TXLNB: variants seen among roughly 807,000 people sequenced by gnomAD.
TXLNB encodes the protein beta-taxilin.
Under a neutral mutation model 57.4 loss-of-function variants are expected in TXLNB, and 37 were observed. That is an observed-to-expected ratio of 0.64 (90% CI 0.50 to 0.85). TXLNB has a LOEUF of 0.85. Ranked by LOEUF, TXLNB falls within the 40% of genes least tolerant of loss-of-function variation. The pLI is 0.00. For synonymous variants in TXLNB, 302 were observed against 309.6 expected (o/e 0.98, Z 0.26); for missense variants, 848 against 825.6 (o/e 1.03, Z -0.33).
At chr6:139,323,448 A>G in the TXLNB span, among the ~76,000 whole-genome samples, 1 of 149,670 alleles carries the variant, frequency 6.7e-6, no homozygotes, top group Non-Finnish European at 1.5e-5. Context: ...ACGCCCAGCT[A>G]ATTTTTTGTA....
rs1268796567 is a variant in TXLNB, at chr6:139,242,710, T to C, written c.1871A>G (p.Gln624Arg). ...AGCAGGCACATCTGCCTCCATCTTC[T>C]GTAGGGAGGCCTCGGTGGGAGCCTG... is the stretch of plus-strand genomic sequence containing the variant. ...APQAPTEASL[Q>R]KMEADVPAPA... Residue 624 changes from glutamine (Q) to arginine (R), a missense_variant, in exon 10 of 10, where the codon CAG (glutamine) becomes CGG (arginine). Transcript: ENST00000358430. 2 of 1,612,204 alleles carry C rather than the reference T, an allele frequency of 1.2e-6. No homozygotes were observed. Among genetic ancestry groups the C allele is most frequent in the Non-Finnish European group, 1.7e-6 (2 of 1,179,426 alleles).
chr6:139,164,898 C>T, the TXLNB span, among the ~76,000 whole-genome samples: 1 of 151,928 alleles, frequency 6.6e-6, no homozygotes, highest in Non-Finnish European at 1.5e-5. Flanking sequence ...CCAGTTTGGC[C>T]CCACATTTGG....
chr6:139,173,227 G>GGCC, the TXLNB span, among the ~76,000 whole-genome samples: 390 of 152,286 alleles, frequency 2.6e-3, 3 homozygotes, highest in Non-Finnish European at 4.5e-3. Context: ...TTGGCATAAA[G>GGCC]GCCCCCAAGG....
At chr6:139,264,092 C>T (rs765296984) in intron 4 of TXLNB, among the ~76,000 whole-genome samples, 51 of 152,130 alleles carry the variant, frequency 3.4e-4, no homozygotes, top group Non-Finnish European at 8.8e-5. Context: ...ATGTTATAAA[C>T]CTTTATTAAG....
chr6:139,194,254 T>G, the TXLNB span, among the ~76,000 whole-genome samples: 1 of 152,200 alleles, frequency 6.6e-6, no homozygotes, highest in African/African-American at 2.4e-5. Context: ...CTTCTCACAT[T>G]CTATTGGTCA....
chr6:139,237,991 G>A (rs944268333), downstream of TXLNB, among the ~76,000 whole-genome samples: 12 of 152,138 alleles, frequency 7.9e-5, no homozygotes, highest in Non-Finnish European at 1.6e-4. Flanking sequence ...GAATTTCTAG[G>A]TTTATTTTGC....
the TXLNB span, among the ~76,000 whole-genome samples, chr6:139,316,837 G>A: frequency 6.6e-6 from 1 of 152,160 alleles, no homozygotes. Context: ...CAATATGTAA[G>A]TGGCCCAGGT....
At chr6:139,193,936 G>T in the TXLNB span, among the ~76,000 whole-genome samples, 1 of 147,802 alleles carries the variant, frequency 6.8e-6, no homozygotes, top group African/African-American at 2.5e-5. Flanking sequence ...CCACCTCCCG[G>T]GTTCACGCCA....
the TXLNB span, among the ~76,000 whole-genome samples, chr6:139,308,435 G>T: frequency 6.6e-6 from 1 of 152,334 alleles, no homozygotes; most frequent in East Asian, 1.9e-4. Flanking sequence ...GAGGGAAGTT[G>T]TAAATACTGC....
At chr6:139,214,033 G>A in the TXLNB span, among the ~76,000 whole-genome samples, 11 of 152,194 alleles carry the variant, frequency 7.2e-5, no homozygotes, top group Admixed American at 5.9e-4. Flanking sequence ...ATTCACAGCC[G>A]AATTCTACCA....
chr6:139,175,113 A>G, the TXLNB span, among the ~76,000 whole-genome samples: 11 of 152,212 alleles, frequency 7.2e-5, no homozygotes, highest in African/African-American at 2.4e-4. Context: ...GTCTCATGCT[A>G]TGAGGACATC....
At chr6:139,206,538 T>C in the TXLNB span, among the ~76,000 whole-genome samples, 6,267 of 152,082 alleles carry the variant, frequency 0.041, 161 homozygotes, top group Admixed American at 0.072. Flanking sequence ...CGTGGTGGCA[T>C]GTGCCTGTAT....
chr6:139,321,633 CTTTTTTTTTT>C, the TXLNB span, among the ~76,000 whole-genome samples: 1 of 84,362 alleles, frequency 1.2e-5, no homozygotes, highest in Non-Finnish European at 2.1e-5. Flanking sequence ...ACTACTCTCT[CTTTTTTTTTT>C]TTTTTTTTTT....
At chr6:139,318,553 T>C in the TXLNB span, among the ~76,000 whole-genome samples, 2 of 151,692 alleles carry the variant, frequency 1.3e-5, no homozygotes, top group South Asian at 2.1e-4. Context: ...CCAAGGTGTG[T>C]ACCTTGGTAA....
At chr6:139,315,417 T>C in the TXLNB span, among the ~76,000 whole-genome samples, 3 of 152,216 alleles carry the variant, frequency 2.0e-5, no homozygotes, top group East Asian at 1.9e-4. Flanking sequence ...GGTGAACCCA[T>C]TGGGCAGTTA....
the TXLNB span, among the ~76,000 whole-genome samples, chr6:139,201,145 A>G: frequency 2.6e-5 from 4 of 152,210 alleles, no homozygotes; most frequent in Admixed American, 2.6e-4. Flanking sequence ...TCTTGCCACC[A>G]AATTACCAAA....
At chr6:139,237,762 T>C (rs1211445074), downstream of TXLNB, among the ~76,000 whole-genome samples, 1 of 152,114 alleles carries the variant, frequency 6.6e-6, no homozygotes, top group Non-Finnish European at 1.5e-5. Context: ...GTTTTAGTTA[T>C]GATTTGAGGT....
the TXLNB span, among the ~76,000 whole-genome samples, chr6:139,175,926 G>A: frequency 3.9e-5 from 6 of 152,134 alleles, no homozygotes; most frequent in African/African-American, 1.4e-4. Context: ...AAATATGTTC[G>A]ATTATTGTTA....
the TXLNB span, among the ~76,000 whole-genome samples, chr6:139,217,428 T>C: frequency 4.0e-3 from 601 of 152,138 alleles, 2 homozygotes; most frequent in Non-Finnish European, 6.8e-3. Context: ...TGAGTGAAAA[T>C]AAGAGCTAAT....
Sources: gnomAD v4.1 joint callset for allele counts (sites outside exome capture counted in the v4.1 genomes callset) on GRCh38, gnomAD v4.1.1 for gene constraint, MANE v1.5 for transcripts, NCBI Gene and HGNC (gene_info 2026-07-23, HGNC 2026-07-21) for gene names.